Variants in TRIM33 observed in about 807,000 individuals in gnomAD.
The protein encoded by TRIM33 is tripartite motif containing 33.
A neutral mutation model predicts 125.4 loss-of-function variants in TRIM33; 20 were observed. The ratio of observed to expected loss-of-function variants is 0.16; its 90% confidence interval spans 0.11 to 0.23. The LOEUF is 0.23. TRIM33 is among the 10% of genes least tolerant of loss of function. TRIM33 has a pLI of 1.00. For missense variants in TRIM33, 920 were observed against 1,411.4 expected (o/e 0.65, Z 5.58); for synonymous variants, 564 against 513.9 (o/e 1.10, Z -1.32).
intron 1 of TRIM33, among the ~76,000 whole-genome samples, chr1:114,475,543 C>G (rs554643365): frequency 6.6e-6 from 1 of 151,996 alleles, no homozygotes; most frequent in African/African-American, 2.4e-5. Context: ...ATTAGCCAGG[C>G]GTGGTGACGG....
intron 18 of TRIM33, 76 bp downstream of exon 18, chr1:114,399,381 A>T: frequency 6.9e-7 from 1 of 1,444,012 alleles, no homozygotes; most frequent in Non-Finnish European, 9.4e-7. Flanking sequence ...ATAAAATTAA[A>T]GTCAGCAGAA....
intron 4 of TRIM33, among the ~76,000 whole-genome samples, chr1:114,436,400 CAAAAAAAAAAA>C (rs765728045): frequency 4.9e-5 from 2 of 40,858 alleles, no homozygotes; most frequent in African/African-American, 8.3e-5. Context: ...GACTCTGTCT[CAAAAAAAAAAA>C]AAAAAAAAAA....
rs556050687 is a variant in TRIM33, at chr1:114,395,867, G to A, written c.*1781C>T. 4.1e-5 allele frequency: 8 copies of A among 192,892 alleles called. No individual in the cohort carries two copies. Among genetic ancestry groups the A allele is most frequent in the African/African-American group, 6.9e-5 (3 of 43,178 alleles). The allele number at this position is 192,892 out of a possible 1,614,324, so 11.9% of individuals were successfully genotyped here. On this transcript the variant is annotated 3_prime_UTR_variant, in exon 20 of 20. Transcript: ENST00000358465. ...ACCAGAAAGCCTGAATCATATTCCTGTTTACCCCCACCCCTTGTTAAGAAA... is the reference window on the plus strand; with the variant it reads ...ACCAGAAAGCCTGAATCATATTCCTATTTACCCCCACCCCTTGTTAAGAAA...
intron 4 of TRIM33, among the ~76,000 whole-genome samples, chr1:114,461,114 G>C (rs1049070074): frequency 6.6e-5 from 10 of 151,520 alleles, no homozygotes; most frequent in African/African-American, 9.7e-5. Context: ...GGGAGGCTGA[G>C]GAGGGAGGAC....
intron 11 of TRIM33, among the ~76,000 whole-genome samples, chr1:114,421,152 C>T (rs1420793603): frequency 2.0e-5 from 3 of 152,084 alleles, no homozygotes; most frequent in Admixed American, 6.5e-5. Flanking sequence ...TGACTAATCT[C>T]ACTTACATGT....
intron 4 of TRIM33, among the ~76,000 whole-genome samples, chr1:114,453,510 A>T (rs1457615750): frequency 6.6e-6 from 1 of 152,176 alleles, no homozygotes; most frequent in Non-Finnish European, 1.5e-5. Context: ...GGAAGATAAG[A>T]GATTGTTTAG....
intron 1 of TRIM33, among the ~76,000 whole-genome samples, chr1:114,480,939 GA>G (rs199648437): frequency 4.0e-5 from 6 of 150,920 alleles, no homozygotes; most frequent in Admixed American, 1.3e-4. Flanking sequence ...ACTAACATCA[GA>G]AAAAAAAAGA....
chr1:114,486,101 C>T (rs1651665299), intron 1 of TRIM33, among the ~76,000 whole-genome samples: 1 of 151,130 alleles, frequency 6.6e-6, no homozygotes, highest in Admixed American at 6.6e-5. Context: ...ACGGTGAAAC[C>T]CCCATCTCTA....
intron 1 of TRIM33, among the ~76,000 whole-genome samples, chr1:114,485,504 T>C (rs930475345): frequency 6.6e-6 from 1 of 152,132 alleles, no homozygotes; most frequent in Admixed American, 6.5e-5. Flanking sequence ...TGGAATGAGT[T>C]AGCCCTACAT....
chr1:114,507,919 C>T (rs1653090579), intron 1 of TRIM33, among the ~76,000 whole-genome samples: 1 of 152,080 alleles, frequency 6.6e-6, no homozygotes, highest in Non-Finnish European at 1.5e-5. Flanking sequence ...GAGTTCAAGA[C>T]CAGTCTGACC....
chr1:114,432,298 A>G (rs1648005492), intron 5 of TRIM33, among the ~76,000 whole-genome samples: 1 of 151,842 alleles, frequency 6.6e-6, no homozygotes, highest in Non-Finnish European at 1.5e-5. Flanking sequence ...ATATGAATCA[A>G]CTCACTACAT....
chr1:114,403,905 C>T (rs966301510), intron 15 of TRIM33, among the ~76,000 whole-genome samples: 1 of 152,066 alleles, frequency 6.6e-6, no homozygotes, highest in African/African-American at 2.4e-5. Context: ...CTCAAGTGAT[C>T]CACCTGCCTT....
intron 4 of TRIM33, among the ~76,000 whole-genome samples, chr1:114,452,727 TAAAAAA>T (rs34364866): frequency 9.3e-5 from 10 of 107,714 alleles, no homozygotes; most frequent in Admixed American, 1.0e-4. Context: ...CCCCATCTCT[TAAAAAA>T]AAAAAAAAAA....
chr1:114,398,572 C>T (rs1651678426), intron 18 of TRIM33, among the ~76,000 whole-genome samples: 1 of 152,064 alleles, frequency 6.6e-6, no homozygotes, highest in South Asian at 2.1e-4. Context: ...TTAGAATTTT[C>T]ACCTTATGAG....
At position 114,419,750 on chromosome 1, in the gene TRIM33, A is replaced by T. The variant is rs115865025; in HGVS notation, c.2061+1686T>A. 6.0e-3 allele frequency among the ~76,000 whole-genome samples: 914 copies of T among 152,324 alleles called. 4 individuals are homozygous for T. The highest frequency in any genetic ancestry group is 0.012 in the South Asian group (56 of 4,820). On this transcript the variant is annotated intron_variant, in intron 11 of 19. Transcript: ENST00000358465. The stretch of plus-strand genomic sequence containing the variant: ...AGTTTTCGTTAAATGAGTAAATTAC[A>T]GCTGCTCTTACAGGAGCAGGGGGAT...
intron 4 of TRIM33, among the ~76,000 whole-genome samples, chr1:114,451,025 G>T (rs922898633): frequency 6.6e-6 from 1 of 152,120 alleles, no homozygotes; most frequent in Non-Finnish European, 1.5e-5. Flanking sequence ...GGTAGGAAGG[G>T]ACAGTGAAAT....
chr1:114,507,966 A>G (rs1341687409), intron 1 of TRIM33, among the ~76,000 whole-genome samples: 1 of 151,996 alleles, frequency 6.6e-6, no homozygotes, highest in Non-Finnish European at 1.5e-5. Flanking sequence ...AAAACAGAAA[A>G]ATTAGCCAGG....
intron 11 of TRIM33, among the ~76,000 whole-genome samples, chr1:114,418,599 G>A (rs1653079900): frequency 6.6e-6 from 1 of 152,098 alleles, no homozygotes. Context: ...TTCTGCTAAG[G>A]TGTTGACATA....
At chr1:114,417,002 T>G (rs1380101924) in intron 11 of TRIM33, among the ~76,000 whole-genome samples, 1 of 152,182 alleles carries the variant, frequency 6.6e-6, no homozygotes, top group African/African-American at 2.4e-5. Flanking sequence ...TGTTCAATGA[T>G]GAACAAATGA....
Sources: gnomAD v4.1 joint callset for allele counts (sites outside exome capture counted in the v4.1 genomes callset) on GRCh38, gnomAD v4.1.1 for gene constraint, MANE v1.5 for transcripts, NCBI Gene and HGNC (gene_info 2026-07-23, HGNC 2026-07-21) for gene names.